LINGO2: variants seen among roughly 807,000 people sequenced by gnomAD.
The protein encoded by LINGO2 is leucine rich repeat and Ig domain containing 2.
In LINGO2, 14 loss-of-function variants were observed where a neutral mutation model predicts 30.6. The ratio of observed to expected loss-of-function variants is 0.46; its 90% confidence interval spans 0.30 to 0.72. The LOEUF (loss-of-function observed/expected upper bound fraction) is 0.72, where lower values mean the gene tolerates loss of function less well. LINGO2 is among the 30% of genes least tolerant of loss of function. The pLI is 0.07. For synonymous variants in LINGO2, 317 were observed against 288.5 expected, an observed-to-expected ratio of 1.10 and a Z score of -1.00; for missense variants, 729 against 751.7, an observed-to-expected ratio of 0.97 and a Z score of 0.35.
chr9:28,929,138 CCT>C, the LINGO2 span, among the ~76,000 whole-genome samples: 1 of 152,264 alleles, frequency 6.6e-6, no homozygotes, highest in South Asian at 2.1e-4. Flanking sequence ...CGTTTTTCTA[CCT>C]CTGTTTCTCT....
chr9:28,100,252 T>C (rs1260297051), intron 4 of LINGO2, among the ~76,000 whole-genome samples: 1 of 152,164 alleles, frequency 6.6e-6, no homozygotes, highest in Non-Finnish European at 1.5e-5. Context: ...CTTTCTGTAA[T>C]AGCAGGTGCA....
At chr9:28,853,110 C>T in the LINGO2 span, among the ~76,000 whole-genome samples, 1 of 152,038 alleles carries the variant, frequency 6.6e-6, no homozygotes, top group Non-Finnish European at 1.5e-5. Flanking sequence ...TTTCTTGTCT[C>T]TAAGAAGGCA....
chr9:28,981,373 G>C, the LINGO2 span, among the ~76,000 whole-genome samples: 1 of 151,816 alleles, frequency 6.6e-6, no homozygotes, highest in African/African-American at 2.4e-5. Context: ...AAGATCCTTA[G>C]ATTATAAAAC....
chr9:28,266,317 C>T (rs1004146605), intron 4 of LINGO2, among the ~76,000 whole-genome samples: 1 of 151,930 alleles, frequency 6.6e-6, no homozygotes, highest in African/African-American at 2.4e-5. Flanking sequence ...AAGAACTTCA[C>T]TCAGAGGATT....
chr9:28,983,941 T>C, the LINGO2 span, among the ~76,000 whole-genome samples: 1 of 152,058 alleles, frequency 6.6e-6, no homozygotes. Context: ...CTGGAGGCTT[T>C]ACAATGTCAG....
chr9:28,584,797 C>T lies in LINGO2; in HGVS notation c.-365+85403G>A, dbSNP rs995656319. 2.9e-4 allele frequency among the ~76,000 whole-genome samples: 44 copies of T among 152,086 alleles called. 1 individual carries two copies. The highest frequency in any genetic ancestry group is 1.0e-3 in the African/African-American group (42 of 41,538). Reference sequence around the variant, plus strand: ...AAGAAAATTAAAATTCATGAGAATGCTATTATTTTGTCACTAAGTTTAACA... The same window carrying T: ...AAGAAAATTAAAATTCATGAGAATGTTATTATTTTGTCACTAAGTTTAACA... On this transcript the variant is annotated intron_variant, in intron 1 of 5. Transcript: ENST00000379992.
chr9:28,315,145 C>CT (rs11383490), intron 3 of LINGO2, among the ~76,000 whole-genome samples: 7,385 of 152,142 alleles, frequency 0.049, 549 homozygotes, highest in African/African-American at 0.17. Flanking sequence ...ACACACTCGC[C>CT]TGTAATCCCA....
chr9:28,570,043 C>T (rs558212539), intron 1 of LINGO2, among the ~76,000 whole-genome samples: 68 of 151,760 alleles, frequency 4.5e-4, no homozygotes, highest in African/African-American at 1.5e-3. Flanking sequence ...AATAAACTGA[C>T]GGGAAGGGTG....
the LINGO2 span, among the ~76,000 whole-genome samples, chr9:28,995,697 A>G: frequency 1.3e-5 from 2 of 152,212 alleles, no homozygotes; most frequent in African/African-American, 4.8e-5. Flanking sequence ...GCCATAAAAA[A>G]TGATGAGTTC....
At chr9:28,465,127 G>C (rs1825244388) in intron 2 of LINGO2, among the ~76,000 whole-genome samples, 1 of 152,174 alleles carries the variant, frequency 6.6e-6, no homozygotes, top group African/African-American at 2.4e-5. Flanking sequence ...TCTGTGGATG[G>C]CTTAAGTGTT....
chr9:28,322,349 T>C (rs1344259443), intron 3 of LINGO2, among the ~76,000 whole-genome samples: 1 of 152,054 alleles, frequency 6.6e-6, no homozygotes, highest in Non-Finnish European at 1.5e-5. Flanking sequence ...TTAAAAAATA[T>C]TACCTGTCAC....
chr9:28,950,359 A>C, the LINGO2 span, among the ~76,000 whole-genome samples: 1 of 152,078 alleles, frequency 6.6e-6, no homozygotes, highest in Admixed American at 6.6e-5. Context: ...CTCTCTCACC[A>C]CTCCTATTCA....
the LINGO2 span, among the ~76,000 whole-genome samples, chr9:28,876,243 ATTATTT>A: frequency 1.3e-5 from 2 of 151,630 alleles, no homozygotes; most frequent in Non-Finnish European, 2.9e-5. Flanking sequence ...TATTATTATT[ATTATTT>A]TTATTTTATT....
chr9:28,799,281 C>G, the LINGO2 span, among the ~76,000 whole-genome samples: 114,676 of 151,908 alleles, frequency 0.75, 43,318 homozygotes, highest in Middle Eastern at 0.84. Flanking sequence ...GAGAGCTAAT[C>G]GTCAGTATAG....
chr9:29,059,529 G>A, the LINGO2 span, among the ~76,000 whole-genome samples: 1 of 151,576 alleles, frequency 6.6e-6, no homozygotes, highest in African/African-American at 2.4e-5. Context: ...AGCAAAGACA[G>A]ACAAATAGAC....
chr9:28,477,618 G>T (rs1286726990), intron 1 of LINGO2, among the ~76,000 whole-genome samples: 3 of 152,000 alleles, frequency 2.0e-5, no homozygotes, highest in Non-Finnish European at 4.4e-5. Flanking sequence ...GATTTTACAG[G>T]CTAATTATAG....
the LINGO2 span, among the ~76,000 whole-genome samples, chr9:28,746,097 A>G: frequency 5.3e-5 from 8 of 152,058 alleles, no homozygotes; most frequent in African/African-American, 9.7e-5. Context: ...GGAGAAAATT[A>G]TAGATGAGAT....
At position 28,578,674 on chromosome 9, in the gene LINGO2, T is replaced by C. The variant is rs143881981; in HGVS notation, c.-365+91526A>G. ...TTTTATTGGTCATTATAGTTATAAATTCTGCTAAAACCAACCACTTCACTC... is the reference window on the plus strand; with the variant it reads ...TTTTATTGGTCATTATAGTTATAAACTCTGCTAAAACCAACCACTTCACTC... On this transcript the variant is annotated intron_variant, in intron 1 of 5. Coordinates refer to ENST00000379992, the Ensembl canonical transcript of LINGO2. 2.0e-3 allele frequency among the ~76,000 whole-genome samples: 299 copies of C among 152,230 alleles called. 2 individuals carry two copies. The highest frequency in any genetic ancestry group is 6.9e-3 in the African/African-American group (287 of 41,556).
chr9:28,638,867 G>A (rs921545030), intron 1 of LINGO2, among the ~76,000 whole-genome samples: 2 of 152,038 alleles, frequency 1.3e-5, no homozygotes, highest in African/African-American at 4.8e-5. Context: ...GCTAGCTTTT[G>A]AATGTGTTTG....
Sources: allele counts gnomAD v4.1 joint callset (sites outside exome capture counted in the v4.1 genomes callset), GRCh38; gene constraint gnomAD v4.1.1; transcripts MANE v1.5; gene names NCBI Gene and HGNC (gene_info 2026-07-23, HGNC 2026-07-21).